GRIN2A: variants seen among roughly 807,000 people sequenced by gnomAD.
GRIN2A encodes glutamate receptor ionotropic, NMDA 2A.
A neutral mutation model predicts 113.4 loss-of-function variants in GRIN2A; 22 were observed. The ratio of observed to expected loss-of-function variants is 0.19; its 90% confidence interval spans 0.14 to 0.28. GRIN2A has a LOEUF of 0.28. GRIN2A is among the 10% of genes least tolerant of loss of function. The pLI, the probability that GRIN2A is intolerant of heterozygous loss-of-function variation, is 1.00. For missense variants in GRIN2A, 1,502 were observed against 1,887.0 expected, an observed-to-expected ratio of 0.80 and a Z score of 3.78; for synonymous variants, 827 against 738.4, an observed-to-expected ratio of 1.12 and a Z score of -1.94.
intron 3 of GRIN2A, among the ~76,000 whole-genome samples, chr16:9,904,930 C>T (rs1395403534): frequency 2.0e-5 from 3 of 152,162 alleles, no homozygotes; most frequent in South Asian, 4.1e-4. Context: ...ACCAACCATC[C>T]CAGTTGTCCC....
chr16:9,935,480 T>C (rs1471645265), intron 3 of GRIN2A, among the ~76,000 whole-genome samples: 1 of 151,468 alleles, frequency 6.6e-6, no homozygotes, highest in Non-Finnish European at 1.5e-5. Context: ...CAGATTTATG[T>C]TAATTGTAAG....
chr16:10,036,991 G>A (rs2047048632), intron 2 of GRIN2A: 2 of 152,268 alleles, frequency 1.3e-5, no homozygotes, highest in Non-Finnish European at 2.9e-5. Flanking sequence ...TACAGCCCAT[G>A]ATGCCTTGTC....
chr16:9,811,575 C>T (rs572477102), intron 10 of GRIN2A, among the ~76,000 whole-genome samples: 3 of 152,080 alleles, frequency 2.0e-5, no homozygotes, highest in African/African-American at 7.2e-5. Flanking sequence ...CCTGGTACAA[C>T]GTGGCAAAAC....
intron 9 of GRIN2A, among the ~76,000 whole-genome samples, chr16:9,825,784 A>C (rs2042377143): frequency 6.6e-6 from 1 of 152,276 alleles, no homozygotes; most frequent in Admixed American, 6.5e-5. Flanking sequence ...ACCACTCAGC[A>C]GCAGCAGCAC....
At chr16:10,062,504 G>A (rs75218671) in intron 2 of GRIN2A, among the ~76,000 whole-genome samples, 6,963 of 152,104 alleles carry the variant, frequency 0.046, 232 homozygotes, top group Middle Eastern at 0.13. Context: ...AATAACATTC[G>A]GAAATCTGTT....
At chr16:10,179,893 C>CCCAAAACAAAAAAACAAA in intron 2 of GRIN2A, 105 bp downstream of exon 2, 2 of 719,818 alleles carry the variant, frequency 2.8e-6, no homozygotes, top group African/African-American at 1.8e-5. Flanking sequence ...CCCCCACCCC[C>CCCAAAACAAAAAAACAAA]ACTTCACATC....
intron 4 of GRIN2A, among the ~76,000 whole-genome samples, chr16:9,869,500 T>C (rs2043219285): frequency 6.6e-6 from 1 of 152,158 alleles, no homozygotes; most frequent in Non-Finnish European, 1.5e-5. Flanking sequence ...ATGATCTTCC[T>C]GCAGTCAATT....
chr16:9,944,248 G>A (rs553694406), intron 2 of GRIN2A, among the ~76,000 whole-genome samples: 35 of 152,314 alleles, frequency 2.3e-4, no homozygotes, highest in African/African-American at 8.4e-4. Context: ...TACTCTCATA[G>A]TGTATCAACT....
At chr16:9,817,242 GTGT>G (rs1296090768) in intron 10 of GRIN2A, among the ~76,000 whole-genome samples, 1 of 152,288 alleles carries the variant, frequency 6.6e-6, no homozygotes, top group Non-Finnish European at 1.5e-5. Flanking sequence ...AATGAATAGT[GTGT>G]TGGACTTCTA....
intron 2 of GRIN2A, among the ~76,000 whole-genome samples, chr16:10,023,099 T>TA (rs1346548298): frequency 6.6e-6 from 1 of 152,170 alleles, no homozygotes; most frequent in East Asian, 1.9e-4. Context: ...AAGAGGGCTC[T>TA]ACCAATGAGA....
intron 2 of GRIN2A, chr16:10,171,511 T>A (rs1360899089): frequency 3.9e-5 from 6 of 152,230 alleles, no homozygotes; most frequent in Non-Finnish European, 8.8e-5. Context: ...TTTGCCAGGA[T>A]AAAGCTCTCA....
At chr16:9,931,033 A>G (rs926396213) in intron 3 of GRIN2A, among the ~76,000 whole-genome samples, 2 of 152,178 alleles carry the variant, frequency 1.3e-5, no homozygotes, top group Non-Finnish European at 2.9e-5. Flanking sequence ...GGTGTCATCA[A>G]TGAAGGCCAA....
At chr16:10,084,075 T>G (rs8047841) in intron 2 of GRIN2A, among the ~76,000 whole-genome samples, 5,172 of 152,270 alleles carry the variant, frequency 0.034, 111 homozygotes, top group Middle Eastern at 0.082. Flanking sequence ...CACTCCAGCC[T>G]GGACAACAGA....
intron 10 of GRIN2A, among the ~76,000 whole-genome samples, chr16:9,810,059 C>CTCTG (rs1167794635): frequency 6.6e-6 from 1 of 152,124 alleles, no homozygotes; most frequent in Non-Finnish European, 1.5e-5. Flanking sequence ...ATGAGCCAGA[C>CTCTG]TCTGTCTCAA....
At chr16:9,880,326 C>T (rs1231804643) in intron 4 of GRIN2A, among the ~76,000 whole-genome samples, 6 of 152,238 alleles carry the variant, frequency 3.9e-5, no homozygotes, top group Non-Finnish European at 8.8e-5. Flanking sequence ...CATTCTCACA[C>T]TCCAAATTTC....
intron 3 of GRIN2A, among the ~76,000 whole-genome samples, chr16:9,891,727 A>G (rs1214058136): frequency 6.6e-6 from 1 of 152,188 alleles, no homozygotes; most frequent in Non-Finnish European, 1.5e-5. Flanking sequence ...TGAAGGCTCA[A>G]TTGGCATTAA....
chr16:10,023,840 G>T (rs1427202172), intron 2 of GRIN2A, among the ~76,000 whole-genome samples: 1 of 152,136 alleles, frequency 6.6e-6, no homozygotes, highest in Non-Finnish European at 1.5e-5. Context: ...GGTGGACATG[G>T]GCACCATTTT....
chr16:9,798,496 G>A (rs1596424150), intron 10 of GRIN2A, 32 bp from the exon 11 acceptor site: 1 of 1,589,636 alleles, frequency 6.3e-7, no homozygotes, highest in Non-Finnish European at 8.6e-7. Flanking sequence ...GGGTCATAGG[G>A]GTGGCCAGGT....
intron 2 of GRIN2A, among the ~76,000 whole-genome samples, chr16:10,077,092 G>C (rs1567281729): frequency 6.6e-6 from 1 of 152,296 alleles, no homozygotes; most frequent in East Asian, 1.9e-4. Context: ...TGGCACTGGA[G>C]ATGGAGGAAG....
Sources: gnomAD v4.1 joint callset for allele counts (sites outside exome capture counted in the v4.1 genomes callset) on GRCh38, gnomAD v4.1.1 for gene constraint, MANE v1.5 for transcripts, NCBI Gene and HGNC (gene_info 2026-07-23, HGNC 2026-07-21) for gene names.